The following CA10 variants were observed in gnomAD, a reference collection of about 807,000 sequenced individuals.
CA10 encodes carbonic anhydrase 10 (inactive).
In CA10, 14 loss-of-function variants were observed where a neutral mutation model predicts 44.2. That is an observed-to-expected ratio of 0.32 (90% CI 0.21 to 0.50). The LOEUF (loss-of-function observed/expected upper bound fraction) is 0.50, where lower values mean the gene tolerates loss of function less well. Among genes scored for constraint, CA10 ranks in the 20% least tolerant of loss-of-function variants. CA10 has a pLI of 0.99. For synonymous variants in CA10, 159 were observed against 141.6 expected (o/e 1.12, Z -0.87); for missense variants, 350 against 409.7 (o/e 0.85, Z 1.26).
chr17:51,719,220 C>T (rs1260529669), intron 4 of CA10, among the ~76,000 whole-genome samples: 7 of 152,184 alleles, frequency 4.6e-5, no homozygotes, highest in South Asian at 2.1e-4. Context: ...TGCATGACAT[C>T]GCCTGCAAAT....
chr17:51,634,608 G>A (rs544270253), intron 7 of CA10, among the ~76,000 whole-genome samples: 5 of 152,222 alleles, frequency 3.3e-5, no homozygotes, highest in South Asian at 4.2e-4. Flanking sequence ...ACAATAAGCC[G>A]TGTAGCCAAG....
At chr17:51,865,542 T>G (rs755678660) in intron 3 of CA10, among the ~76,000 whole-genome samples, 2 of 152,190 alleles carry the variant, frequency 1.3e-5, no homozygotes, top group Non-Finnish European at 2.9e-5. Context: ...CGCAGGGCAG[T>G]GTCCATGGCC....
chr17:51,673,945 C>A (rs1378061624), intron 4 of CA10, among the ~76,000 whole-genome samples: 1 of 141,136 alleles, frequency 7.1e-6, no homozygotes, highest in Non-Finnish European at 1.5e-5. Context: ...GTAAACACAC[C>A]TTCCCCTCCT....
chr17:51,759,817 C>T (rs999868206), intron 3 of CA10, among the ~76,000 whole-genome samples: 8 of 152,032 alleles, frequency 5.3e-5, no homozygotes, highest in Non-Finnish European at 1.0e-4. Context: ...TTTATCCTTT[C>T]TCCATCCTCC....
chr17:51,796,777 A>C (rs1025056655), intron 3 of CA10, among the ~76,000 whole-genome samples: 2 of 152,140 alleles, frequency 1.3e-5, no homozygotes, highest in Non-Finnish European at 2.9e-5. Context: ...TCCATTGCTA[A>C]GCCCGCTTGC....
intron 3 of CA10, among the ~76,000 whole-genome samples, chr17:51,874,950 GTTTTTTTTTC>G (rs750712985): frequency 5.0e-4 from 3 of 5,942 alleles, no homozygotes; most frequent in Admixed American, 5.5e-3. Flanking sequence ...TTTTTCTTCT[GTTTTTTTTTC>G]TTTTTTTTCT....
chr17:51,857,681 C>G (rs1213858793), intron 3 of CA10, among the ~76,000 whole-genome samples: 4 of 152,110 alleles, frequency 2.6e-5, no homozygotes, highest in Non-Finnish European at 4.4e-5. Context: ...TCCTAATGTT[C>G]TATTCCCACA....
At chr17:52,112,469 C>G (rs561728269) in intron 1 of CA10, among the ~76,000 whole-genome samples, 16 of 152,316 alleles carry the variant, frequency 1.1e-4, no homozygotes, top group African/African-American at 3.6e-4. Context: ...AAAAAGACCA[C>G]GCTGGCCACA....
intron 2 of CA10, among the ~76,000 whole-genome samples, chr17:51,947,998 C>T (rs1205517957): frequency 1.3e-5 from 2 of 152,076 alleles, no homozygotes; most frequent in Non-Finnish European, 2.9e-5. Flanking sequence ...TTCTTGGGGG[C>T]TTTGGCATTC....
intron 3 of CA10, among the ~76,000 whole-genome samples, chr17:51,847,545 T>A (rs1459838793): frequency 1.3e-5 from 2 of 152,182 alleles, no homozygotes; most frequent in Non-Finnish European, 2.9e-5. Context: ...AAAATGCACT[T>A]CTTTGCATGA....
chr17:51,851,887 C>A (rs1014727451), intron 3 of CA10, among the ~76,000 whole-genome samples: 7 of 152,222 alleles, frequency 4.6e-5, no homozygotes, highest in African/African-American at 1.4e-4. Flanking sequence ...CACTGAACTT[C>A]AGATTTTGCT....
chr17:51,668,722 G>T lies in CA10; in HGVS notation c.466-14986C>A, dbSNP rs1431566340. 2.6e-5 allele frequency among the ~76,000 whole-genome samples: 4 copies of T among 152,296 alleles called. No individual in the cohort carries two copies. The East Asian group carries it at 7.8e-4, about 30-fold the overall frequency. On this transcript the variant is annotated intron_variant, in intron 4 of 8. Coordinates refer to ENST00000451037, the MANE Select transcript of CA10 (RefSeq NM_020178.5). Reference sequence around the variant, plus strand: ...TGCTGCACTGTGGGAGCCCCTCTCTGGGCTGGCTGAGGCCAGAGCCAGCTC... The same window carrying T: ...TGCTGCACTGTGGGAGCCCCTCTCTTGGCTGGCTGAGGCCAGAGCCAGCTC...
chr17:51,853,897 GC>G (rs1978919193), intron 3 of CA10, among the ~76,000 whole-genome samples: 1 of 152,140 alleles, frequency 6.6e-6, no homozygotes, highest in African/African-American at 2.4e-5. Context: ...GGCCTCCCCA[GC>G]CATGTGGAAC....
At chr17:51,986,913 T>A (rs1328454258) in intron 2 of CA10, among the ~76,000 whole-genome samples, 1 of 152,102 alleles carries the variant, frequency 6.6e-6, no homozygotes, top group East Asian at 1.9e-4. Flanking sequence ...CTGGTGGGAA[T>A]GTAAACTACT....
intron 1 of CA10, among the ~76,000 whole-genome samples, chr17:52,108,190 TTTTTTATATATATATATATA>T (rs1988703822): frequency 1.3e-5 from 1 of 79,056 alleles, no homozygotes; most frequent in South Asian, 3.8e-4. Flanking sequence ...TATATATATA[TTTTTTATATATATATATATA>T]TATATATATA....
chr17:51,655,809 G>A (rs945541008), intron 4 of CA10, among the ~76,000 whole-genome samples: 1 of 152,250 alleles, frequency 6.6e-6, no homozygotes, highest in Non-Finnish European at 1.5e-5. Flanking sequence ...GAGAGCACAT[G>A]TTACTGCTGC....
At chr17:51,778,036 T>C (rs562395442) in intron 3 of CA10, among the ~76,000 whole-genome samples, 25 of 152,286 alleles carry the variant, frequency 1.6e-4, no homozygotes, top group African/African-American at 3.9e-4. Flanking sequence ...TCAGTTTAGA[T>C]AGAAAAGATC....
chr17:51,841,957 T>C (rs1978323791), intron 3 of CA10, among the ~76,000 whole-genome samples: 2 of 152,220 alleles, frequency 1.3e-5, no homozygotes, highest in Admixed American at 6.5e-5. Context: ...CTGCCTCTTT[T>C]TAAGACCAAG....
intron 2 of CA10, among the ~76,000 whole-genome samples, chr17:51,959,648 C>T (rs1338038049): frequency 6.6e-6 from 1 of 151,646 alleles, no homozygotes; most frequent in East Asian, 1.9e-4. Flanking sequence ...AGGTTGACCC[C>T]TGGGTGGTTG....
Sources: gnomAD v4.1 joint callset for allele counts (sites outside exome capture counted in the v4.1 genomes callset) on GRCh38, gnomAD v4.1.1 for gene constraint, MANE v1.5 for transcripts, NCBI Gene and HGNC (gene_info 2026-07-23, HGNC 2026-07-21) for gene names.